Variants in JARID2 observed in about 807,000 individuals in gnomAD.
JARID2 encodes jumonji and AT-rich interaction domain containing 2.
JARID2 carries 21 observed loss-of-function variants against 125.6 expected under a neutral mutation model. That is an observed-to-expected ratio of 0.17 (90% CI 0.12 to 0.24). JARID2 has a LOEUF of 0.24. Among genes scored for constraint, JARID2 ranks in the 10% least tolerant of loss-of-function variants. The pLI is 1.00. For missense variants in JARID2, 1,303 were observed against 1,639.6 expected, an observed-to-expected ratio of 0.79 and a Z score of 3.55; for synonymous variants, 736 against 661.6, an observed-to-expected ratio of 1.11 and a Z score of -1.73.
intron 3 of JARID2, among the ~76,000 whole-genome samples, chr6:15,432,312 C>T (rs1473456593): frequency 4.6e-5 from 7 of 152,108 alleles, no homozygotes; most frequent in Non-Finnish European, 1.0e-4. Flanking sequence ...CCTATAATCC[C>T]AGCTACTCGG....
chr6:15,262,072 G>T (rs968392729), intron 1 of JARID2, among the ~76,000 whole-genome samples: 1 of 151,816 alleles, frequency 6.6e-6, no homozygotes, highest in Non-Finnish European at 1.5e-5. Flanking sequence ...GAGCCACCGC[G>T]CCCGGCCCAG....
chr6:15,270,051 G>A (rs1016248523), intron 1 of JARID2, among the ~76,000 whole-genome samples: 1 of 152,184 alleles, frequency 6.6e-6, no homozygotes, highest in Non-Finnish European at 1.5e-5. Context: ...TAGTCTTTCT[G>A]TAGATCCTAG....
intron 1 of JARID2, among the ~76,000 whole-genome samples, chr6:15,285,482 T>C (rs1450687783): frequency 6.6e-6 from 1 of 152,150 alleles, no homozygotes; most frequent in Non-Finnish European, 1.5e-5. Context: ...GGGAAGTCAG[T>C]TAACTAGGTT....
At chr6:15,266,553 T>A (rs1760091355) in intron 1 of JARID2, among the ~76,000 whole-genome samples, 1 of 152,234 alleles carries the variant, frequency 6.6e-6, no homozygotes, top group African/African-American at 2.4e-5. Flanking sequence ...TGCACTTCCG[T>A]TGCTCAACGT....
chr6:15,488,605 G>C (rs1036113066), intron 6 of JARID2, among the ~76,000 whole-genome samples: 2 of 152,126 alleles, frequency 1.3e-5, no homozygotes, highest in African/African-American at 2.4e-5. Context: ...ACTCGATTTC[G>C]TCTTGCGGTA....
Position 15,496,967 on chromosome 6 carries a change from T to G in JARID2, c.1742T>G (p.Val581Gly). The change falls in exon 7 of 18, where the codon GTG becomes GGG. Residue 581 changes from valine to glycine, a missense_variant. By Grantham distance (109) the Val-to-Gly change is moderately radical. Coordinates refer to ENST00000341776, the MANE Select transcript of JARID2 (RefSeq NM_004973.4). The stretch of plus-strand genomic sequence containing the variant: ...TACATCGAGTCGGTCCGCGCTCAGG[T>G]GGAGAAGTTCGGGATGTGCAGGGTG... The part of the protein sequence containing the change: ...LIYIESVRAQ[V>G]EKFGMCRVIP... 6.2e-7 allele frequency: 1 copy of G among 1,613,186 alleles called. No individual in the cohort carries two copies.
chr6:15,383,881 G>A lies in JARID2; in HGVS notation c.181+9629G>A, dbSNP rs1177300277. ...ACGACCTTGGCTCACTGCACCCTCC[G>A]CCTCTCAGGTTCAAGCAATTCTCCT... On this transcript the variant is annotated intron_variant, in intron 2 of 17. Coordinates refer to ENST00000341776, the MANE Select transcript of JARID2 (RefSeq NM_004973.4). Among the ~76,000 whole-genome samples, 11 of 152,242 alleles carry A rather than the reference G, an allele frequency of 7.2e-5. No homozygotes were observed. In the East Asian group the frequency reaches 1.4e-3, roughly 19 times the overall value.
At chr6:15,360,001 T>C (rs1763736496) in intron 1 of JARID2, among the ~76,000 whole-genome samples, 2 of 152,164 alleles carry the variant, frequency 1.3e-5, no homozygotes, top group Admixed American at 1.3e-4. Context: ...GATGAATTTC[T>C]AAGTCCTCCA....
Position 15,246,368 on chromosome 6 carries a change from G to T in JARID2, c.-172G>T. On this transcript the variant is annotated 5_prime_UTR_variant, in exon 1 of 18. Transcript: ENST00000341776. The stretch of plus-strand genomic sequence containing the variant: ...TCTTTTTTTTTCCTTCCCAATTTCG[G>T]ATTTATTTCAAGGCGAATCTGGCTT... 3.5e-6 allele frequency: 2 copies of T among 569,048 alleles called. No individual in the cohort carries two copies. The highest frequency in any genetic ancestry group is 6.2e-6 in the Non-Finnish European group (2 of 321,378). The allele number at this position is 569,048 out of a possible 1,614,324, so 35.2% of individuals were successfully genotyped here. A position where few individuals can be genotyped will look rare whatever the true frequency, so the allele number is the denominator to read the frequency against.
chr6:15,313,426 C>T (rs1762080024), intron 1 of JARID2, among the ~76,000 whole-genome samples: 1 of 152,212 alleles, frequency 6.6e-6, no homozygotes, highest in Non-Finnish European at 1.5e-5. Flanking sequence ...CTAGGAGGTA[C>T]TGCACAAGCA....
At chr6:15,254,908 G>C (rs771433489) in intron 1 of JARID2, among the ~76,000 whole-genome samples, 2 of 151,552 alleles carry the variant, frequency 1.3e-5, no homozygotes, top group Non-Finnish European at 2.9e-5. Flanking sequence ...CAGGCGTGGT[G>C]GTGGGCACCT....
intron 1 of JARID2, chr6:15,247,330 A>G: frequency 1.4e-6 from 1 of 700,244 alleles, no homozygotes; most frequent in Non-Finnish European, 1.8e-6. Context: ...TTATTCCTAG[A>G]TTTAAATGGC....
intron 4 of JARID2, among the ~76,000 whole-genome samples, chr6:15,460,896 G>A (rs1768414724): frequency 6.6e-6 from 1 of 152,118 alleles, no homozygotes; most frequent in Admixed American, 6.6e-5. Context: ...GTAGAGACGG[G>A]GTTTCACCAT....
chr6:15,303,208 A>G (rs1761696761), intron 1 of JARID2, among the ~76,000 whole-genome samples: 1 of 152,208 alleles, frequency 6.6e-6, no homozygotes, highest in Non-Finnish European at 1.5e-5. Flanking sequence ...TTCTGGTGGA[A>G]TGTGTGATGA....
chr6:15,451,560 G>T (rs1199319131), intron 3 of JARID2, among the ~76,000 whole-genome samples: 1 of 152,210 alleles, frequency 6.6e-6, no homozygotes, highest in Non-Finnish European at 1.5e-5. Flanking sequence ...ACACAGAAGA[G>T]ATGTGGGTAT....
intron 5 of JARID2, among the ~76,000 whole-genome samples, chr6:15,480,862 C>T (rs2237127): frequency 6.6e-6 from 1 of 151,562 alleles, no homozygotes; most frequent in Non-Finnish European, 1.5e-5. Flanking sequence ...AAAAACCTTG[C>T]GATCAGTTTC....
chr6:15,516,779 C>T, intron 16 of JARID2, among the ~76,000 whole-genome samples: 1 of 152,170 alleles, frequency 6.6e-6, no homozygotes, highest in East Asian at 1.9e-4. Context: ...CACAGGATCT[C>T]AGGAGCCCTC....
chr6:15,287,417 T>C (rs1193772020), intron 1 of JARID2, among the ~76,000 whole-genome samples: 2 of 152,262 alleles, frequency 1.3e-5, no homozygotes, highest in African/African-American at 2.4e-5. Flanking sequence ...ATAGTGGGTC[T>C]AATTATTGTA....
At chr6:15,458,361 A>T (rs1283044710) in intron 4 of JARID2, among the ~76,000 whole-genome samples, 2 of 152,170 alleles carry the variant, frequency 1.3e-5, no homozygotes, top group Non-Finnish European at 2.9e-5. Context: ...CATTCCTATG[A>T]CCGTGGGCAT....
Sources: gnomAD v4.1 joint callset for allele counts (sites outside exome capture counted in the v4.1 genomes callset) on GRCh38, gnomAD v4.1.1 for gene constraint, MANE v1.5 for transcripts, NCBI Gene and HGNC (gene_info 2026-07-23, HGNC 2026-07-21) for gene names.